FRMD3: variants seen among roughly 807,000 people sequenced by gnomAD.
FRMD3 encodes the protein FERM domain containing 3.
A neutral mutation model predicts 70.2 loss-of-function variants in FRMD3; 33 were observed. The observed-to-expected ratio is 0.47, with a 90% confidence interval of 0.36 to 0.63. The LOEUF (loss-of-function observed/expected upper bound fraction) is 0.63. FRMD3 is among the 20% of genes least tolerant of loss of function. FRMD3 has a pLI of 0.00. For missense variants in FRMD3, 632 were observed against 711.4 expected, an observed-to-expected ratio of 0.89 and a Z score of 1.27; for synonymous variants, 279 against 255.9, an observed-to-expected ratio of 1.09 and a Z score of -0.86.
chr9:83,310,662 G>A, intron 8 of FRMD3, 114 bp from the exon 9 acceptor site: 1 of 736,768 alleles, frequency 1.4e-6, no homozygotes, highest in South Asian at 1.7e-5. Context: ...GTGAAACAAG[G>A]TATTATCATT....
At chr9:83,243,264 A>G (rs2118422419), downstream of FRMD3, 3 of 1,540,530 alleles carry the variant, frequency 1.9e-6, no homozygotes, top group Non-Finnish European at 1.8e-6. Flanking sequence ...GGGAGAGAGA[A>G]AAGAAGCAGG....
intron 3 of FRMD3, among the ~76,000 whole-genome samples, chr9:83,356,138 G>A (rs534144220): frequency 6.6e-6 from 1 of 152,252 alleles, no homozygotes; most frequent in Admixed American, 6.5e-5. Context: ...GAGTTGATAG[G>A]AAACGATTAA....
chr9:83,428,324 G>GC (rs1458131480), intron 1 of FRMD3, among the ~76,000 whole-genome samples: 1 of 149,910 alleles, frequency 6.7e-6, no homozygotes, highest in Non-Finnish European at 1.5e-5. Flanking sequence ...GTTGCAGTGA[G>GC]CCGAGATCAC....
chr9:83,572,846 T>C, the FRMD3 span, among the ~76,000 whole-genome samples: 4 of 152,256 alleles, frequency 2.6e-5, no homozygotes, highest in Admixed American at 2.0e-4. Flanking sequence ...TTTCCATTTC[T>C]GTTTGGCCTT....
chr9:83,524,569 G>T (rs770311658), intron 1 of FRMD3, among the ~76,000 whole-genome samples: 1 of 152,124 alleles, frequency 6.6e-6, no homozygotes, highest in Non-Finnish European at 1.5e-5. Context: ...TCAGTGGAAA[G>T]AAATTATATC....
intron 1 of FRMD3, among the ~76,000 whole-genome samples, chr9:83,413,817 T>C (rs1186240334): frequency 6.6e-6 from 1 of 152,084 alleles, no homozygotes; most frequent in Non-Finnish European, 1.5e-5. Flanking sequence ...ATTTCTTAAC[T>C]CTTAGCAAGA....
chr9:83,542,724 G>A (rs554315616), upstream of FRMD3, among the ~76,000 whole-genome samples: 1 of 152,290 alleles, frequency 6.6e-6, no homozygotes, highest in African/African-American at 2.4e-5. Context: ...AAGTGATCAA[G>A]GCAGTATGGT....
Position 83,244,878 on chromosome 9 carries a change from C to CAAAT in FRMD3, c.*3036_*3039dup, listed in dbSNP as rs1832015949. 2 of 982,582 alleles carry CAAAT rather than the reference C, an allele frequency of 2.0e-6. No individual in the cohort carries two copies. The highest frequency in any genetic ancestry group is 1.8e-5 in the African/African-American group (1 of 55,106). The allele number at this position is 982,582 out of a possible 1,614,324, so 60.9% of individuals were successfully genotyped here. A position where few individuals can be genotyped will look rare whatever the true frequency, so the allele number is the denominator to read the frequency against. On this transcript the variant is annotated 3_prime_UTR_variant, in exon 14 of 14. Transcript: ENST00000304195. ...TTTTACAATATTTTTCAAGCACAGACAAATACATACTTTACTTTACCTACA... is the reference window on the plus strand; with the variant it reads ...TTTTACAATATTTTTCAAGCACAGACAAATAAATACATACTTTACTTTACCTACA...
At chr9:83,267,051 G>A (rs1833295145) in intron 13 of FRMD3, 1 of 1,550,988 alleles carries the variant, frequency 6.4e-7, no homozygotes, top group East Asian at 2.4e-5. Flanking sequence ...AGTCTCAGCA[G>A]ACGAACAAAC....
intron 1 of FRMD3, among the ~76,000 whole-genome samples, chr9:83,418,325 A>G (rs1033173874): frequency 6.6e-6 from 1 of 152,226 alleles, no homozygotes; most frequent in African/African-American, 2.4e-5. Flanking sequence ...AGAAATAATC[A>G]GCAGAGTAAA....
intron 3 of FRMD3, among the ~76,000 whole-genome samples, chr9:83,362,835 C>G (rs1201108132): frequency 7.9e-6 from 1 of 126,696 alleles, no homozygotes; most frequent in African/African-American, 3.1e-5. Flanking sequence ...TCCTTCCCTC[C>G]CTCCTTCCTT....
At chr9:83,498,253 C>G (rs1394943103) in intron 1 of FRMD3, among the ~76,000 whole-genome samples, 3 of 152,212 alleles carry the variant, frequency 2.0e-5, no homozygotes, top group African/African-American at 7.2e-5. Flanking sequence ...TCTCTGGTTT[C>G]CAACTCAGAA....
chr9:83,375,358 T>A (rs1825109389), intron 2 of FRMD3, among the ~76,000 whole-genome samples: 5 of 152,260 alleles, frequency 3.3e-5, no homozygotes, highest in Admixed American at 3.3e-4. Context: ...TCAGTTTCTA[T>A]CATCCTTTTC....
chr9:83,410,405 G>T (rs954457344), intron 1 of FRMD3, among the ~76,000 whole-genome samples: 2 of 152,148 alleles, frequency 1.3e-5, no homozygotes, highest in Non-Finnish European at 2.9e-5. Flanking sequence ...GCAGAATTTG[G>T]TTTTCTGTTC....
At chr9:83,553,395 G>A in the FRMD3 span, among the ~76,000 whole-genome samples, 2 of 152,104 alleles carry the variant, frequency 1.3e-5, no homozygotes, top group Admixed American at 6.5e-5. Context: ...CTCTCTAGCT[G>A]CCTTTAACAT....
intron 1 of FRMD3, among the ~76,000 whole-genome samples, chr9:83,511,125 T>A (rs950028042): frequency 1.3e-5 from 2 of 152,130 alleles, no homozygotes; most frequent in South Asian, 4.1e-4. Flanking sequence ...CTTTGAGAAG[T>A]TTTTCCCTGG....
chr9:83,535,913 T>C (rs1262497993), intron 1 of FRMD3, among the ~76,000 whole-genome samples: 1 of 152,214 alleles, frequency 6.6e-6, no homozygotes, highest in Non-Finnish European at 1.5e-5. Flanking sequence ...TAATTCCAAA[T>C]GGTTTTGTTT....
intron 1 of FRMD3, among the ~76,000 whole-genome samples, chr9:83,418,420 G>C (rs1331466764): frequency 6.6e-6 from 1 of 151,820 alleles, no homozygotes; most frequent in Admixed American, 6.6e-5. Context: ...AACTCAAATA[G>C]ATCACCAAGA....
chr9:83,561,987 T>A, the FRMD3 span, among the ~76,000 whole-genome samples: 1 of 152,330 alleles, frequency 6.6e-6, no homozygotes, highest in Admixed American at 6.5e-5. Context: ...ATCTTATGCA[T>A]CATCCAGCCC....
Sources: allele counts gnomAD v4.1 joint callset (sites outside exome capture counted in the v4.1 genomes callset), GRCh38; gene constraint gnomAD v4.1.1; transcripts MANE v1.5; gene names NCBI Gene and HGNC (gene_info 2026-07-23, HGNC 2026-07-21).